Variants in PCDHGA1 observed in about 807,000 individuals in gnomAD.
PCDHGA1 encodes protocadherin gamma-A1.
Under a neutral mutation model 58.0 loss-of-function variants are expected in PCDHGA1, and 32 were observed. The ratio of observed to expected loss-of-function variants is 0.55; its 90% confidence interval spans 0.42 to 0.74. PCDHGA1 has a LOEUF of 0.74. Among genes scored for constraint, PCDHGA1 ranks in the 30% least tolerant of loss-of-function variants. The probability of loss-of-function intolerance (pLI) is 0.00; values close to 1 mark genes in which losing one functional copy is unlikely to be tolerated. For missense variants in PCDHGA1, 1,205 were observed against 1,182.3 expected, an observed-to-expected ratio of 1.02 and a Z score of -0.28; for synonymous variants, 498 against 501.1, an observed-to-expected ratio of 0.99 and a Z score of 0.08.
At chr5:141,420,473 G>A (rs1016985115) in intron 1 of PCDHGA1, 8 of 707,118 alleles carry the variant, frequency 1.1e-5, no homozygotes, top group Non-Finnish European at 1.6e-5. Flanking sequence ...ACATTTTAAA[G>A]CAAACTACAT....
rs1340692426 is a variant in PCDHGA1 at position 141,485,025 on chromosome 5, A to C, written c.2422-9782A>C. ...CAAATCTACCCCGCCACCAGCAAAAACGGCGCGTAACCCTTGCGGCGCCGG... is the reference window on the plus strand; with the variant it reads ...CAAATCTACCCCGCCACCAGCAAAACCGGCGCGTAACCCTTGCGGCGCCGG... On this transcript the variant is annotated intron_variant, in intron 1 of 3. Transcript: ENST00000517417. This position sits in a 1 kb window ranked among gnomAD's most constrained non-coding sequence, Gnocchi z 5.7. 2 of 657,796 alleles carry C rather than the reference A, an allele frequency of 3.0e-6. No homozygotes were observed. The highest frequency in any genetic ancestry group is 5.4e-6 in the Non-Finnish European group (2 of 369,210). The allele number at this position is 657,796 out of a possible 1,614,324, so 40.7% of individuals were successfully genotyped here.
intron 1 of PCDHGA1, chr5:141,333,508 C>T (rs576890068): frequency 2.9e-5 from 8 of 279,066 alleles, no homozygotes; most frequent in South Asian, 2.4e-4. Context: ...TAAGTACCTG[C>T]TAATCTACCC....
rs574059424 is a variant in PCDHGA1 at position 141,426,522 on chromosome 5, G to A, written c.2422-68285G>A. On this transcript the variant is annotated intron_variant, in intron 1 of 3. Transcript: ENST00000517417. ...AGAAACAATACTTTACCGTGAACAC[G>A]GAGAATGGGAACATACTTGTGAGTG... is the stretch of plus-strand genomic sequence containing the variant. The A allele has an allele frequency of 4.4e-5, 15 of 341,518 alleles. No individual in the cohort carries two copies. In the East Asian group the frequency reaches 6.0e-4, roughly 14 times the overall value. 21.2% of individuals were successfully genotyped at this position (341,518 alleles called of 1,614,324 possible).
chr5:141,409,861 A>C, intron 1 of PCDHGA1: 1 of 1,612,406 alleles, frequency 6.2e-7, no homozygotes, highest in Non-Finnish European at 8.5e-7. Context: ...TGTTGGTGGG[A>C]GACCGCAATG....
In PCDHGA1 at chr5:141,423,465, G is replaced by A. The variant is rs762995150; in HGVS notation, c.2422-71342G>A. On this transcript the variant is annotated intron_variant, in intron 1 of 3. Coordinates refer to ENST00000517417, the MANE Select transcript of PCDHGA1 (RefSeq NM_018912.3). ...CGTCACATTTTGTAGGCGTGGACGG[G>A]GTACAGGCTTTCCTGCAAACCTATT... The A allele has an allele frequency of 2.6e-5, 42 of 1,614,006 alleles. 1 individual carries two copies. The Middle Eastern group carries it at 1.5e-3, about 57-fold the overall frequency.
chr5:141,390,098 C>A (rs2092044435), intron 1 of PCDHGA1: 1 of 1,613,924 alleles, frequency 6.2e-7, no homozygotes, highest in Non-Finnish European at 8.5e-7. Context: ...CCGTGGTTCC[C>A]CCCAACTACA....
At chr5:141,398,255 A>T (rs1244403375) in intron 1 of PCDHGA1, 1 of 1,457,928 alleles carries the variant, frequency 6.9e-7, no homozygotes, top group African/African-American at 1.4e-5. Context: ...GAAATGCCCA[A>T]GGGCTCCGTA....
chr5:141,410,333 A>G lies in PCDHGA1; in HGVS notation c.2421+77228A>G, dbSNP rs774436706. 4.7e-5 allele frequency: 76 copies of G among 1,613,666 alleles called. No individual in the cohort carries two copies. Among genetic ancestry groups the G allele is most frequent in the Non-Finnish European group, 4.0e-5 (47 of 1,179,884 alleles). ...CTTCCTCCTCGCCGTGATTCTGGCC[A>G]TTGCCTTGCGCCTGCGACGCTCTCT... On this transcript the variant is annotated intron_variant, in intron 1 of 3. Transcript: ENST00000517417.
chr5:141,370,542 C>T (rs1009513071), intron 1 of PCDHGA1: 17 of 1,613,784 alleles, frequency 1.1e-5, no homozygotes, highest in Non-Finnish European at 1.4e-5. Context: ...GGTAGGGAAC[C>T]TCGCCAAGGA....
rs752171326 is a variant in PCDHGA1 at position 141,395,310 on chromosome 5, A to C, written c.2421+62205A>C. The stretch of plus-strand genomic sequence containing the variant: ...TGGCATAAATTATGTTTTGAAAAAC[A>C]TTGTGAAGATAGTTGAAAATAATTT... On this transcript the variant is annotated intron_variant, in intron 1 of 3. Transcript: ENST00000517417. The C allele has an allele frequency of 3.3e-6, 5 of 1,502,410 alleles. No homozygotes were observed. In the East Asian group the frequency reaches 1.1e-4, roughly 34 times the overall value. 93.1% of individuals were successfully genotyped at this position (1,502,410 alleles called of 1,614,324 possible).
intron 3 of PCDHGA1, among the ~76,000 whole-genome samples, chr5:141,510,054 G>A (rs1166696269): frequency 1.3e-5 from 2 of 152,180 alleles, no homozygotes; most frequent in Non-Finnish European, 2.9e-5. Context: ...AAAAGTGATT[G>A]TGCATGTGAA....
Position 141,410,521 on chromosome 5 carries a change from A to G in PCDHGA1, c.2421+77416A>G, listed in dbSNP as rs201505796. ...ATTTCCTAAAATGCAGTGTGCCCCT[A>G]CATTCCAATGAAGACATGGTTTGCA... is the stretch of plus-strand genomic sequence containing the variant. On this transcript the variant is annotated intron_variant, in intron 1 of 3. Coordinates refer to ENST00000517417, the MANE Select transcript of PCDHGA1 (RefSeq NM_018912.3). 1,940 of 1,613,966 alleles carry G rather than the reference A, an allele frequency of 1.2e-3. 3 individuals are homozygous for G. Among genetic ancestry groups the G allele is most frequent in the Non-Finnish European group, 1.5e-3 (1,760 of 1,179,896 alleles).
intron 1 of PCDHGA1, chr5:141,366,311 A>T (rs1561537361): frequency 1.9e-6 from 3 of 1,613,766 alleles, no homozygotes; most frequent in Non-Finnish European, 2.5e-6. Context: ...CTTCACGGTC[A>T]CCGTTGCCGT....
intron 1 of PCDHGA1, chr5:141,412,460 G>C (rs2095557510): frequency 1.3e-5 from 2 of 152,244 alleles, no homozygotes; most frequent in South Asian, 4.1e-4. Flanking sequence ...AACTATTCTA[G>C]AAGAGTACTT....
rs766835008 is a variant in PCDHGA1, at chr5:141,370,979, A to G, written c.2421+37874A>G. The G allele has an allele frequency of 3.7e-6, 6 of 1,613,990 alleles. 1 individual carries two copies. In the Admixed American group the frequency reaches 6.7e-5, roughly 18 times the overall value. On this transcript the variant is annotated intron_variant, in intron 1 of 3. Coordinates refer to ENST00000517417, the MANE Select transcript of PCDHGA1 (RefSeq NM_018912.3). ...ATGGCAGTAGGTACCCAGAGCTAGT[A>G]CTGAAAGCACCCCTGGACAGGGAAG...
chr5:141,339,709 G>A, intron 1 of PCDHGA1: 1 of 1,614,160 alleles, frequency 6.2e-7, no homozygotes, highest in Non-Finnish European at 8.5e-7. Flanking sequence ...CACAGCCCGA[G>A]TACCGCATAA....
At position 141,476,901 on chromosome 5, in the gene PCDHGA1, G is replaced by C; in HGVS notation, c.2422-17906G>C. On this transcript the variant is annotated intron_variant, in intron 1 of 3. Coordinates refer to ENST00000517417, the MANE Select transcript of PCDHGA1 (RefSeq NM_018912.3). The surrounding 1 kb of genome is among the most constrained non-coding windows in gnomAD (Gnocchi z 7.6). ...CTGGAGGATGCACCCTCCGGCACGC[G>C]CGTGGTACAAGTCCTTGCAACGGAT... The C allele has an allele frequency of 1.2e-6, 2 of 1,613,900 alleles. No homozygotes were observed. Among genetic ancestry groups the C allele is most frequent in the Non-Finnish European group, 1.7e-6 (2 of 1,180,034 alleles).
chr5:141,401,109 C>G (rs1389316272), intron 1 of PCDHGA1, among the ~76,000 whole-genome samples: 2 of 152,012 alleles, frequency 1.3e-5, no homozygotes, highest in African/African-American at 2.4e-5. Flanking sequence ...TTTGGGAGGC[C>G]GAGGCGGTTG....
intron 1 of PCDHGA1, chr5:141,404,421 C>T (rs199749783): frequency 1.2e-6 from 2 of 1,613,574 alleles, no homozygotes; most frequent in Non-Finnish European, 1.7e-6. Flanking sequence ...GTTATTTACT[C>T]CTTGGCAGAG....
Sources: allele counts gnomAD v4.1 joint callset (sites outside exome capture counted in the v4.1 genomes callset), GRCh38; gene constraint gnomAD v4.1.1; non-coding constraint Gnocchi (gnomAD v3.1); transcripts MANE v1.5; gene names NCBI Gene and HGNC (gene_info 2026-07-23, HGNC 2026-07-21).